Variants in HMCN1 observed in about 807,000 individuals in gnomAD.
HMCN1 encodes hemicentin-1.
In HMCN1, 321 loss-of-function variants were observed where a neutral mutation model predicts 625.9. The observed-to-expected ratio is 0.51, with a 90% CI of 0.47 to 0.56. HMCN1 has a LOEUF of 0.56. HMCN1 is among the 20% of genes least tolerant of loss of function. The probability of loss-of-function intolerance (pLI) is 0.00; values close to 1 mark genes in which losing one functional copy is unlikely to be tolerated. For missense variants in HMCN1, 6,588 were observed against 6,887.3 expected, an observed-to-expected ratio of 0.96 and a Z score of 1.54; for synonymous variants, 2,425 against 2,417.6, an observed-to-expected ratio of 1.00 and a Z score of -0.09.
chr1:185,996,190 GAA>G (rs1296250402), intron 24 of HMCN1, among the ~76,000 whole-genome samples: 1 of 152,144 alleles, frequency 6.6e-6, no homozygotes, highest in Admixed American at 6.6e-5. Context: ...GCTTTTAACA[GAA>G]AGACAAATCA....
intron 1 of HMCN1, among the ~76,000 whole-genome samples, chr1:185,759,841 ATGGGATTG>A (rs1655376728): frequency 1.3e-5 from 2 of 152,112 alleles, no homozygotes; most frequent in South Asian, 4.1e-4. Flanking sequence ...GGACAATGTA[ATGGGATTG>A]TGAATATGGA....
intron 46 of HMCN1, among the ~76,000 whole-genome samples, chr1:186,057,980 TTTA>T (rs1046761903): frequency 2.0e-5 from 3 of 152,030 alleles, no homozygotes; most frequent in African/African-American, 7.2e-5. Flanking sequence ...CTTGGCCCAT[TTTA>T]TTAATGACTT....
intron 4 of HMCN1, among the ~76,000 whole-genome samples, chr1:185,878,990 T>G (rs1250351385): frequency 6.6e-6 from 1 of 152,212 alleles, no homozygotes; most frequent in Non-Finnish European, 1.5e-5. Flanking sequence ...TACTCCTCTT[T>G]GCTCTTGATA....
intron 1 of HMCN1, among the ~76,000 whole-genome samples, chr1:185,809,781 G>T (rs1016255386): frequency 6.6e-6 from 1 of 152,008 alleles, no homozygotes; most frequent in Non-Finnish European, 1.5e-5. Flanking sequence ...GCCAGATTTA[G>T]TGATTTATTT....
chr1:185,938,712 A>G (rs1667938926), intron 11 of HMCN1, among the ~76,000 whole-genome samples: 3 of 152,070 alleles, frequency 2.0e-5, no homozygotes, highest in Non-Finnish European at 4.4e-5. Flanking sequence ...GCCCTTCACC[A>G]TCACTTTAAC....
chr1:185,772,979 C>A (rs1488833449), intron 1 of HMCN1, among the ~76,000 whole-genome samples: 1 of 152,116 alleles, frequency 6.6e-6, no homozygotes, highest in Non-Finnish European at 1.5e-5. Context: ...GCTTTCATGA[C>A]ATAAATACCT....
At chr1:185,866,638 C>T (rs1432963135) in intron 4 of HMCN1, among the ~76,000 whole-genome samples, 1 of 151,768 alleles carries the variant, frequency 6.6e-6, no homozygotes, top group Non-Finnish European at 1.5e-5. Flanking sequence ...GATCTCCTGA[C>T]CTCGTGATCC....
chr1:185,923,303 A>T (rs1667089780), intron 7 of HMCN1, 87 bp from the exon 8 acceptor site: 3 of 1,028,190 alleles, frequency 2.9e-6, no homozygotes, highest in African/African-American at 1.6e-5. Flanking sequence ...TATGGTACTC[A>T]TATATTATTA....
intron 9 of HMCN1, among the ~76,000 whole-genome samples, chr1:185,925,617 A>T (rs969538588): frequency 6.6e-6 from 1 of 152,200 alleles, no homozygotes; most frequent in Non-Finnish European, 1.5e-5. Context: ...AAGTGTTATG[A>T]TAAGTGAATC....
At chr1:186,061,362 GC>G (rs1157709585) in intron 46 of HMCN1, among the ~76,000 whole-genome samples, 4 of 152,126 alleles carry the variant, frequency 2.6e-5, no homozygotes, top group Non-Finnish European at 4.4e-5. Context: ...AGATCTTATG[GC>G]AACTCACTCA....
intron 53 of HMCN1, among the ~76,000 whole-genome samples, chr1:186,076,148 C>A (rs7550425): frequency 2.0e-5 from 3 of 151,862 alleles, no homozygotes; most frequent in Middle Eastern, 3.4e-3. Context: ...GAGAGTGAGC[C>A]CCTTTATTGT....
At chr1:185,972,420 A>G (rs1169043893) in intron 15 of HMCN1, among the ~76,000 whole-genome samples, 2 of 152,196 alleles carry the variant, frequency 1.3e-5, no homozygotes, top group African/African-American at 2.4e-5. Context: ...GGATTAGGAA[A>G]CAACCTAACA....
At chr1:185,889,513 G>A (rs1664904987) in intron 4 of HMCN1, among the ~76,000 whole-genome samples, 2 of 140,606 alleles carry the variant, frequency 1.4e-5, no homozygotes, top group Non-Finnish European at 3.0e-5. Flanking sequence ...AGAGTTTTTA[G>A]CATGAAGGGT....
intron 1 of HMCN1, among the ~76,000 whole-genome samples, chr1:185,784,171 C>G (rs948466017): frequency 1.3e-5 from 2 of 152,340 alleles, no homozygotes; most frequent in East Asian, 3.9e-4. Context: ...GATGTAATCT[C>G]CTGGTGTGCT....
chr1:186,178,800 G>C (rs1652759466), intron 104 of HMCN1, 34 bp downstream of exon 104: 1 of 1,395,696 alleles, frequency 7.2e-7, no homozygotes. Flanking sequence ...TCCTTTCTGT[G>C]GGCTCTCTTA....
At chr1:185,920,725 G>T (rs941939351) in intron 6 of HMCN1, among the ~76,000 whole-genome samples, 3 of 151,790 alleles carry the variant, frequency 2.0e-5, no homozygotes, top group Non-Finnish European at 1.5e-5. Flanking sequence ...AACCACCTTT[G>T]TTAGTTGATT....
chr1:185,950,220 A>G (rs1391924186), intron 11 of HMCN1, among the ~76,000 whole-genome samples: 1 of 150,984 alleles, frequency 6.6e-6, no homozygotes. Flanking sequence ...GAGACTCAAC[A>G]AAGAGTGAGT....
chr1:185,902,887 A>G (rs1306564019), intron 4 of HMCN1, among the ~76,000 whole-genome samples: 1 of 151,598 alleles, frequency 6.6e-6, no homozygotes, highest in East Asian at 1.9e-4. Context: ...GAAAGTTTCA[A>G]TGGAAGAATT....
At chr1:185,937,592 G>A in intron 11 of HMCN1, among the ~76,000 whole-genome samples, 1 of 152,076 alleles carries the variant, frequency 6.6e-6, no homozygotes, top group East Asian at 1.9e-4. Context: ...ACAATAATAA[G>A]TGGAATGGGC....
Sources: gnomAD v4.1 joint callset for allele counts (sites outside exome capture counted in the v4.1 genomes callset) on GRCh38, gnomAD v4.1.1 for gene constraint, MANE v1.5 for transcripts, NCBI Gene and HGNC (gene_info 2026-07-23, HGNC 2026-07-21) for gene names.